RAB7A: variants seen among roughly 807,000 people sequenced by gnomAD.
RAB7A encodes the protein RAB7A, member RAS oncogene family, also known as ras-related protein Rab-7a.
RAB7A carries 2 observed loss-of-function variants against 24.5 expected under a neutral mutation model. The observed-to-expected ratio is 0.08, with a 90% confidence interval of 0.03 to 0.26. The LOEUF is 0.26. Among genes scored for constraint, RAB7A ranks in the 10% least tolerant of loss-of-function variants. The pLI, the probability that RAB7A is intolerant of heterozygous loss-of-function variation, is 1.00. For missense variants in RAB7A, 118 were observed against 255.7 expected (o/e 0.46, Z 3.67); for synonymous variants, 100 against 95.9 (o/e 1.04, Z -0.25).
chr3:128,732,489 T>G (rs1486995615), intron 1 of RAB7A, among the ~76,000 whole-genome samples: 1 of 152,332 alleles, frequency 6.6e-6, no homozygotes, highest in East Asian at 1.9e-4. Flanking sequence ...GGTTATTTTC[T>G]TCCTTTGAAT....
intron 1 of RAB7A, among the ~76,000 whole-genome samples, chr3:128,740,446 T>C (rs1367425979): frequency 6.6e-6 from 1 of 152,214 alleles, no homozygotes; most frequent in Non-Finnish European, 1.5e-5. Context: ...TACTTAAAAT[T>C]TGGTTTTCAT....
chr3:128,736,299 A>G (rs1310973369), intron 1 of RAB7A, among the ~76,000 whole-genome samples: 2 of 152,204 alleles, frequency 1.3e-5, no homozygotes, highest in Non-Finnish European at 1.5e-5. Context: ...GAATAATAGC[A>G]TCTTCTGCGG....
In RAB7A at chr3:128,726,272, C is replaced by G. The variant is rs1043267472; in HGVS notation, c.-96C>G. 2 of 152,922 alleles carry G rather than the reference C, an allele frequency of 1.3e-5. No individual in the cohort carries two copies. The highest frequency in any genetic ancestry group is 1.5e-5 in the Non-Finnish European group (1 of 68,432). 9.5% of individuals were successfully genotyped at this position (152,922 alleles called of 1,614,324 possible). ...AGTTCCCTGGAACCAGAACTTGGACCTTCTCGCTTCTGTCCTCCGTTTAGT... is the reference window on the plus strand; with the variant it reads ...AGTTCCCTGGAACCAGAACTTGGACGTTCTCGCTTCTGTCCTCCGTTTAGT... On this transcript the variant is annotated 5_prime_UTR_variant, in exon 1 of 6. Coordinates refer to ENST00000265062, the MANE Select transcript of RAB7A (RefSeq NM_004637.6).
At chr3:128,794,659 C>G (rs1933528750) in intron 1 of RAB7A, among the ~76,000 whole-genome samples, 1 of 152,076 alleles carries the variant, frequency 6.6e-6, no homozygotes, top group Non-Finnish European at 1.5e-5. Flanking sequence ...TGTGGCAAGT[C>G]CTGGAAGACA....
intron 1 of RAB7A, among the ~76,000 whole-genome samples, chr3:128,743,959 G>T (rs1383071944): frequency 6.6e-6 from 1 of 151,828 alleles, no homozygotes; most frequent in Non-Finnish European, 1.5e-5. Flanking sequence ...CAGCTAACTT[G>T]TGTATTTTTA....
intron 1 of RAB7A, among the ~76,000 whole-genome samples, chr3:128,790,974 T>G (rs535400588): frequency 1.3e-5 from 2 of 152,348 alleles, no homozygotes; most frequent in South Asian, 2.1e-4. Context: ...AGTCTTTACA[T>G]TAAGGCTCCC....
intron 1 of RAB7A, among the ~76,000 whole-genome samples, chr3:128,767,412 T>C (rs2070842572): frequency 6.6e-6 from 1 of 152,200 alleles, no homozygotes; most frequent in Non-Finnish European, 1.5e-5. Context: ...GCTTTGGCTT[T>C]CAGTAGCTGC....
At chr3:128,756,536 A>G (rs2070730834) in intron 1 of RAB7A, among the ~76,000 whole-genome samples, 1 of 152,200 alleles carries the variant, frequency 6.6e-6, no homozygotes, top group Non-Finnish European at 1.5e-5. Context: ...AAGGTAACTC[A>G]TGTTCATGGA....
chr3:128,794,984 A>G (rs1268836882), intron 1 of RAB7A, among the ~76,000 whole-genome samples: 1 of 152,122 alleles, frequency 6.6e-6, no homozygotes, highest in African/African-American at 2.4e-5. Context: ...CTTTAAATAA[A>G]GCGGTCACTT....
chr3:128,794,738 C>G lies in RAB7A; in HGVS notation c.-8-622C>G, dbSNP rs373970647. Reference sequence around the variant, plus strand: ...TAGACAAGGCTGCCTGAAAGATTTTCTGGAAAAGAGTAGTCACTAGAGCTG... The same window carrying G: ...TAGACAAGGCTGCCTGAAAGATTTTGTGGAAAAGAGTAGTCACTAGAGCTG... On this transcript the variant is annotated intron_variant, in intron 1 of 5. Transcript: ENST00000265062. Among the ~76,000 whole-genome samples the G allele has an allele frequency of 3.9e-5, 6 of 152,174 alleles. No homozygotes were observed. In the East Asian group the frequency reaches 5.8e-4, roughly 15 times the overall value.
intron 1 of RAB7A, among the ~76,000 whole-genome samples, chr3:128,742,968 A>G (rs1286344574): frequency 6.6e-6 from 1 of 152,214 alleles, no homozygotes; most frequent in Non-Finnish European, 1.5e-5. Flanking sequence ...CAGGCGCTGC[A>G]GAGCAGGGGG....
At chr3:128,731,973 C>G (rs1048459223) in intron 1 of RAB7A, among the ~76,000 whole-genome samples, 20 of 148,668 alleles carry the variant, frequency 1.3e-4, no homozygotes, top group African/African-American at 4.7e-4. Flanking sequence ...CCATTGCACT[C>G]CAGCCTGGCG....
Position 128,730,129 on chromosome 3 carries a change from G to A in RAB7A, c.-9+3770G>A, listed in dbSNP as rs191479749. ...TGCAGTTTGCTGCAGAAACATTTTT[G>A]CAATATGCTGATCTTTTCAGTTATT... On this transcript the variant is annotated intron_variant, in intron 1 of 5. Transcript: ENST00000265062. Among the ~76,000 whole-genome samples, 14 of 152,086 alleles carry A rather than the reference G, an allele frequency of 9.2e-5. No individual in the cohort carries two copies. The East Asian group carries it at 2.5e-3, about 27-fold the overall frequency.
At chr3:128,801,860 C>A (rs558287760) in intron 3 of RAB7A, among the ~76,000 whole-genome samples, 8 of 151,894 alleles carry the variant, frequency 5.3e-5, no homozygotes, top group African/African-American at 1.9e-4. Context: ...CTGTGTAAGT[C>A]ATAATGAAAT....
Position 128,752,912 on chromosome 3 carries a change from AC to A in RAB7A, c.-9+26555del, listed in dbSNP as rs375066623. Among the ~76,000 whole-genome samples the A allele has an allele frequency of 5.6e-4, 85 of 152,166 alleles. No individual in the cohort carries two copies. The East Asian group carries it at 8.7e-3, about 16-fold the overall frequency. ...AATGTGTACACTCAAAATATTCAAT[AC>A]CTTTTTCTGAATTAAACTCTGAATG... On this transcript the variant is annotated intron_variant, in intron 1 of 5. Transcript: ENST00000265062.
At chr3:128,730,343 C>T (rs1576264126) in intron 1 of RAB7A, among the ~76,000 whole-genome samples, 1 of 152,036 alleles carries the variant, frequency 6.6e-6, no homozygotes, top group Admixed American at 6.5e-5. Context: ...CATTCTCCTG[C>T]CTCAGCCTCC....
At chr3:128,734,454 C>CAAAA (rs10524458) in intron 1 of RAB7A, among the ~76,000 whole-genome samples, 3 of 86,870 alleles carry the variant, frequency 3.5e-5, no homozygotes, top group African/African-American at 9.6e-5. Flanking sequence ...GACCCTACCT[C>CAAAA]AAAAAAAAAA....
intron 3 of RAB7A, among the ~76,000 whole-genome samples, chr3:128,801,976 G>T (rs1459027393): frequency 6.6e-6 from 1 of 152,200 alleles, no homozygotes; most frequent in Non-Finnish European, 1.5e-5. Context: ...AGGCAGTGGG[G>T]TATGTTGAGA....
chr3:128,800,500 C>T (rs1044069413), intron 3 of RAB7A, among the ~76,000 whole-genome samples: 2 of 152,152 alleles, frequency 1.3e-5, no homozygotes. Context: ...GAAGTAAACC[C>T]CATCAGGAGA....
Sources: gnomAD v4.1 joint callset for allele counts (sites outside exome capture counted in the v4.1 genomes callset) on GRCh38, gnomAD v4.1.1 for gene constraint, MANE v1.5 for transcripts, NCBI Gene and HGNC (gene_info 2026-07-23, HGNC 2026-07-21) for gene names.